Variants in NEMP1 observed in about 807,000 individuals in gnomAD.
NEMP1 encodes transmembrane protein 194.
In NEMP1, 29 loss-of-function variants were observed where a neutral mutation model predicts 53.7. The ratio of observed to expected loss-of-function variants is 0.54; its 90% CI spans 0.40 to 0.74. NEMP1 has a LOEUF of 0.74. Among genes scored for constraint, NEMP1 ranks in the 30% least tolerant of loss-of-function variants. The probability of loss-of-function intolerance (pLI) is 0.00; values close to 1 mark genes in which losing one functional copy is unlikely to be tolerated. For missense variants in NEMP1, 477 were observed against 528.6 expected, an observed-to-expected ratio of 0.90 and a Z score of 0.96; for synonymous variants, 193 against 192.9, an observed-to-expected ratio of 1.00 and a Z score of 0.00.
At chr12:57,085,081 T>C (rs2032954536) in intron 1 of NEMP1, among the ~76,000 whole-genome samples, 1 of 152,242 alleles carries the variant, frequency 6.6e-6, no homozygotes, top group Admixed American at 6.5e-5. Flanking sequence ...CCTTTTATAG[T>C]TTCTGAAACA....
rs2031609918 is a variant in NEMP1 at position 57,057,987 on chromosome 12, T to C, written c.*1892A>G. On this transcript the variant is annotated 3_prime_UTR_variant, in exon 9 of 9. Transcript: ENST00000300128. ...TATAAATAAGGTAAAAAATAGTATA[T>C]TTCAGAAGTTTTAATAGTTCTTTGT... is the stretch of plus-strand genomic sequence containing the variant. 6.6e-6 allele frequency: 1 copy of C among 152,204 alleles called. No homozygotes were observed. The highest frequency in any genetic ancestry group is 1.5e-5 in the Non-Finnish European group (1 of 68,040). The allele number at this position is 152,204 out of a possible 1,614,324, so 9.4% of individuals were successfully genotyped here. A position where few individuals can be genotyped will look rare whatever the true frequency, so the allele number is the denominator to read the frequency against.
intron 7 of NEMP1, among the ~76,000 whole-genome samples, chr12:57,062,063 T>C (rs1457864162): frequency 6.6e-6 from 1 of 152,182 alleles, no homozygotes; most frequent in African/African-American, 2.4e-5. Flanking sequence ...TGACTATCTA[T>C]AATAGACAAC....
chr12:57,061,066 C>T, intron 7 of NEMP1, 121 bp from the exon 8 acceptor site: 1 of 944,176 alleles, frequency 1.1e-6, no homozygotes, highest in African/African-American at 1.7e-5. Context: ...AGTCATCACT[C>T]CTAAAAATTC....
chr12:57,070,541 G>GGT, intron 3 of NEMP1, 133 bp downstream of exon 3: 1 of 694,520 alleles, frequency 1.4e-6, no homozygotes, highest in East Asian at 2.7e-5. Flanking sequence ...TTAGAGCAGT[G>GGT]GTATACTCAG....
chr12:57,080,562 G>A (rs983457537), upstream of NEMP1, among the ~76,000 whole-genome samples: 7 of 141,230 alleles, frequency 5.0e-5, no homozygotes, highest in African/African-American at 1.6e-4. Context: ...CTGGGTGACA[G>A]AGCAAGACTC....
Position 57,070,856 on chromosome 12 carries a change from T to C in NEMP1, c.290A>G (p.Gln97Arg). The stretch of plus-strand genomic sequence containing the variant: ...CTTCAGTTTCTCCTCATTCTCCACC[T>C]GGGTGACTCGAACCAATCTGGAACT... ...VNSSRLVRVT[Q>R]VENEEKLKEL... The change falls in exon 3 of 9, where the codon CAG becomes CGG. Residue 97 changes from glutamine to arginine, a missense_variant. Physicochemically the swap from Gln to Arg is conservative, Grantham distance 43 (BLOSUM62 1). Transcript: ENST00000300128. 1.2e-6 allele frequency: 2 copies of C among 1,614,168 alleles called. No homozygotes were observed. Among genetic ancestry groups the C allele is most frequent in the Non-Finnish European group, 1.7e-6 (2 of 1,180,024 alleles).
intron 6 of NEMP1, among the ~76,000 whole-genome samples, chr12:57,063,657 C>A (rs1273918946): frequency 1.3e-5 from 2 of 152,150 alleles, no homozygotes; most frequent in South Asian, 4.1e-4. Flanking sequence ...AGGTTACTAT[C>A]TATATGACCA....
chr12:57,074,880 GAGTTC>G (rs1477104263), intron 1 of NEMP1, among the ~76,000 whole-genome samples: 4 of 152,070 alleles, frequency 2.6e-5, no homozygotes, highest in Admixed American at 2.6e-4. Context: ...TTGAGGTCAG[GAGTTC>G]AAAACCAGCC....
At position 57,072,819 on chromosome 12, in the gene NEMP1, G is replaced by A; in HGVS notation, c.221C>T (p.Pro74Leu). ...CCGTGTCCATATATCATGCCATTTT[G>A]GGATAAGCACATTTGTGTAACAGAA... ...QQFCYTNVLI[P>L]KWHDIWTRIQ... Residue 74 changes from proline (P) to leucine (L), a missense_variant, in exon 2 of 9, where the codon CCA becomes CTA. Pro to Leu is a moderately conservative substitution (Grantham distance 98). Transcript: ENST00000300128. The A allele has an allele frequency of 6.2e-7, 1 of 1,612,818 alleles. No homozygotes were observed. The highest frequency in any genetic ancestry group is 1.7e-4 in the Middle Eastern group (1 of 6,058).
At chr12:57,084,893 A>C (rs980920499) in intron 1 of NEMP1, among the ~76,000 whole-genome samples, 11 of 152,286 alleles carry the variant, frequency 7.2e-5, no homozygotes, top group African/African-American at 2.6e-4. Context: ...TGAATAATTC[A>C]TTTTTAGTGC....
chr12:57,084,833 G>A (rs1330462212), intron 1 of NEMP1, among the ~76,000 whole-genome samples: 2 of 152,162 alleles, frequency 1.3e-5, no homozygotes, highest in African/African-American at 2.4e-5. Context: ...ATTTGACAGA[G>A]AAATTTTATA....
intron 1 of NEMP1, among the ~76,000 whole-genome samples, chr12:57,085,276 C>G (rs543774392): frequency 5.9e-5 from 9 of 152,280 alleles, no homozygotes; most frequent in Non-Finnish European, 8.8e-5. Flanking sequence ...AACTTCTGGG[C>G]TCAAATGTTC....
In NEMP1 at chr12:57,058,178, T is replaced by TC. The variant is rs2031621008; in HGVS notation, c.*1700_*1701insG. The TC allele has an allele frequency of 1.1e-5, 1 of 88,226 alleles. No individual in the cohort carries two copies. Among genetic ancestry groups the TC allele is most frequent in the Non-Finnish European group, 2.0e-5 (1 of 48,960 alleles). 5.5% of individuals were successfully genotyped at this position (88,226 alleles called of 1,614,324 possible). On this transcript the variant is annotated 3_prime_UTR_variant, in exon 9 of 9. Transcript: ENST00000300128. ...TCCTGCCAACTGAGGTAGTTGTCAC[T>TC]TAGGACAGTTTAAGGCTCTGGAAAA... is the stretch of plus-strand genomic sequence containing the variant.
intron 4 of NEMP1, among the ~76,000 whole-genome samples, chr12:57,066,009 C>CT (rs2032055525): frequency 6.6e-6 from 1 of 151,938 alleles, no homozygotes. Flanking sequence ...AATCCCAGCA[C>CT]TTTGGGAGGC....
rs1356842596 is a variant in NEMP1, at chr12:57,059,748, C to G, written c.*131G>C. The G allele has an allele frequency of 1.2e-6, 1 of 819,012 alleles. No individual in the cohort carries two copies. Among genetic ancestry groups the G allele is most frequent in the Admixed American group, 2.9e-5 (1 of 34,072 alleles). 50.7% of individuals were successfully genotyped at this position (819,012 alleles called of 1,614,324 possible). A position where few individuals can be genotyped will look rare whatever the true frequency, so the allele number is the denominator to read the frequency against. On this transcript the variant is annotated 3_prime_UTR_variant, in exon 9 of 9. Transcript: ENST00000300128. ...TTTCCAAAGGGAGGCCTTTTTAGGC[C>G]TCTTATTTCAGTAGGAGAATTTCTA...
rs1243398309 is a variant in NEMP1 at position 57,057,217 on chromosome 12, G to A, written c.*2662C>T. ...ATTTCCAATGCTGATGAGATCCAGA[G>A]CCCTGGAGCCCATTTATGGCTTGAC... On this transcript the variant is annotated 3_prime_UTR_variant, in exon 9 of 9. Transcript: ENST00000300128. 6.6e-6 allele frequency: 1 copy of A among 152,234 alleles called. No individual in the cohort carries two copies. Among genetic ancestry groups the A allele is most frequent in the Admixed American group, 6.5e-5 (1 of 15,278 alleles). 9.4% of individuals were successfully genotyped at this position (152,234 alleles called of 1,614,324 possible).
chr12:57,066,071 G>A (rs190949806), intron 4 of NEMP1, among the ~76,000 whole-genome samples: 5 of 152,000 alleles, frequency 3.3e-5, no homozygotes, highest in Middle Eastern at 3.4e-3. Context: ...TGGTTAACAC[G>A]GTGAAACCCT....
Position 57,060,933 on chromosome 12 carries a change from C to G in NEMP1, c.993G>C (p.Lys331Asn). 1 of 1,613,532 alleles carries G rather than the reference C, an allele frequency of 6.2e-7. No individual in the cohort carries two copies. The change falls in exon 8 of 9, where the codon AAG (lysine) becomes AAC (asparagine). Residue 331 changes from lysine to asparagine, a missense_variant. Physicochemically the swap from Lys to Asn is moderately conservative, Grantham distance 94. Coordinates refer to ENST00000300128, the MANE Select transcript of NEMP1 (RefSeq NM_001130963.2). ...GAGGGGGAACAGGCTTTTCTGCTCC[C>G]TTACACACCTTTCTGTGCTCACCAA... ...WLYITCRKVC[K>N]GAEKPVPPRL...
chr12:57,061,018 A>C, intron 7 of NEMP1, 73 bp from the exon 8 acceptor site: 1 of 1,487,976 alleles, frequency 6.7e-7, no homozygotes, highest in Admixed American at 2.0e-5. Context: ...AGCTCCCTTC[A>C]GTGGGCCAAG....
Sources: allele counts gnomAD v4.1 joint callset (sites outside exome capture counted in the v4.1 genomes callset), GRCh38; gene constraint gnomAD v4.1.1; transcripts MANE v1.5; gene names NCBI Gene and HGNC (gene_info 2026-07-23, HGNC 2026-07-21).